The following PPP2R3A variants were observed in gnomAD, a reference collection of about 807,000 sequenced individuals.
The protein encoded by PPP2R3A is protein phosphatase 2 regulatory subunit B''alpha.
Under a neutral mutation model 106.9 loss-of-function variants are expected in PPP2R3A, and 80 were observed. The ratio of observed to expected loss-of-function variants is 0.75; its 90% confidence interval spans 0.62 to 0.90. PPP2R3A has a LOEUF of 0.90. Ranked by LOEUF, PPP2R3A falls within the 40% of genes least tolerant of loss-of-function variation. The probability of loss-of-function intolerance (pLI) is 0.00; values close to 1 mark genes in which losing one functional copy is unlikely to be tolerated. For missense variants in PPP2R3A, 1,386 were observed against 1,350.4 expected (o/e 1.03, Z -0.41); for synonymous variants, 483 against 468.3 (o/e 1.03, Z -0.41).
chr3:135,992,260 A>C (rs924634047), intron 1 of PPP2R3A, among the ~76,000 whole-genome samples: 8 of 152,168 alleles, frequency 5.3e-5, no homozygotes, highest in African/African-American at 1.9e-4. Flanking sequence ...TATTATTTCT[A>C]AATGACTCAT....
chr3:135,980,335 A>C (rs1319343969), intron 1 of PPP2R3A, among the ~76,000 whole-genome samples: 1 of 151,760 alleles, frequency 6.6e-6, no homozygotes, highest in Non-Finnish European at 1.5e-5. Flanking sequence ...ATAAGTCAAG[A>C]GGAAATGAAC....
chr3:136,055,195 G>T, intron 5 of PPP2R3A: 4 of 728,164 alleles, frequency 5.5e-6, no homozygotes, highest in African/African-American at 1.7e-5. Context: ...TAGAAGAGAT[G>T]ACTGTGCAAG....
At chr3:136,022,846 G>T in intron 2 of PPP2R3A, 1 of 1,315,914 alleles carries the variant, frequency 7.6e-7, no homozygotes, top group South Asian at 1.8e-5. Context: ...AAAATTATGA[G>T]CAGGTATTGG....
At chr3:135,987,629 A>G (rs1932974271) in intron 1 of PPP2R3A, among the ~76,000 whole-genome samples, 1 of 152,064 alleles carries the variant, frequency 6.6e-6, no homozygotes, top group Non-Finnish European at 1.5e-5. Flanking sequence ...CACTTACAAT[A>G]TTTGCAGAAA....
chr3:135,993,442 TAAGGGTATAA>T (rs1933259159), intron 1 of PPP2R3A, among the ~76,000 whole-genome samples: 1 of 152,244 alleles, frequency 6.6e-6, no homozygotes, highest in East Asian at 1.9e-4. Context: ...CAAGTGCTGC[TAAGGGTATAA>T]AATGGTAGAA....
At chr3:136,042,455 T>C (rs1233056452) in intron 4 of PPP2R3A, among the ~76,000 whole-genome samples, 2 of 152,200 alleles carry the variant, frequency 1.3e-5, no homozygotes, top group African/African-American at 4.8e-5. Flanking sequence ...TTTATCTATG[T>C]AACAGACGTG....
rs753163110 is a variant in PPP2R3A, at chr3:136,090,716, G to A, written c.2927+49G>A. The A allele has an allele frequency of 6.8e-6, 10 of 1,476,614 alleles. No individual in the cohort carries two copies. In the African/African-American group the frequency reaches 1.3e-4, roughly 19 times the overall value. The allele number at this position is 1,476,614 out of a possible 1,614,324, so 91.5% of individuals were successfully genotyped here. Reference sequence around the variant, plus strand: ...CCAAGATGTTAAACACATGCACAAAGCTTGAAAAAGTCATGGTGTATATTA... The same window carrying A: ...CCAAGATGTTAAACACATGCACAAAACTTGAAAAAGTCATGGTGTATATTA... On this transcript the variant is annotated intron_variant, in intron 10 of 13. Coordinates refer to ENST00000264977, the MANE Select transcript of PPP2R3A (RefSeq NM_002718.5).
At chr3:135,970,802 A>G (rs150636728) in intron 1 of PPP2R3A, among the ~76,000 whole-genome samples, 2,512 of 152,290 alleles carry the variant, frequency 0.016, 29 homozygotes, top group South Asian at 0.026. Context: ...TTAGGGATGT[A>G]GGTCAATGGT....
intron 3 of PPP2R3A, among the ~76,000 whole-genome samples, chr3:136,028,022 C>T (rs1934730298): frequency 6.6e-6 from 1 of 152,232 alleles, no homozygotes; most frequent in South Asian, 2.1e-4. Context: ...CATTCCATGG[C>T]TTCCACAGCC....
At chr3:135,975,061 GT>G (rs2107750788) in intron 1 of PPP2R3A, among the ~76,000 whole-genome samples, 1 of 152,316 alleles carries the variant, frequency 6.6e-6, no homozygotes, top group South Asian at 2.1e-4. Flanking sequence ...TGGCCCAGCT[GT>G]TAGCATTTTG....
chr3:135,990,487 C>G (rs1243931606), intron 1 of PPP2R3A, among the ~76,000 whole-genome samples: 1 of 152,080 alleles, frequency 6.6e-6, no homozygotes, highest in East Asian at 1.9e-4. Context: ...TACAAACAAG[C>G]CGTGTTTGTT....
At chr3:136,120,208 A>G (rs962565802) in intron 13 of PPP2R3A, among the ~76,000 whole-genome samples, 4 of 152,098 alleles carry the variant, frequency 2.6e-5, no homozygotes, top group Admixed American at 6.5e-5. Context: ...GATGGGTGCA[A>G]CAAACCACCA....
intron 4 of PPP2R3A, among the ~76,000 whole-genome samples, 192 bp from the exon 5 acceptor site, chr3:136,049,067 C>G (rs1407276964): frequency 6.6e-6 from 1 of 152,208 alleles, no homozygotes; most frequent in African/African-American, 2.4e-5. Flanking sequence ...GGAAGAGGGT[C>G]TAATAGACTT....
chr3:136,015,026 A>G (rs1384317223), intron 2 of PPP2R3A, among the ~76,000 whole-genome samples: 1 of 152,126 alleles, frequency 6.6e-6, no homozygotes, highest in Non-Finnish European at 1.5e-5. Flanking sequence ...TGAGGTTTTA[A>G]TCATAAAGGG....
intron 8 of PPP2R3A, among the ~76,000 whole-genome samples, chr3:136,084,773 G>C (rs573138857): frequency 6.6e-6 from 1 of 152,346 alleles, no homozygotes; most frequent in South Asian, 2.1e-4. Context: ...AGAGTCAAAG[G>C]AGATCATTTT....
intron 1 of PPP2R3A, among the ~76,000 whole-genome samples, chr3:135,982,441 G>T (rs1203598244): frequency 6.6e-6 from 1 of 152,170 alleles, no homozygotes. Context: ...ATACCCTTCA[G>T]GGCACTTGAG....
In PPP2R3A at chr3:136,082,318, C is replaced by T. The variant is rs1936802195; in HGVS notation, c.2685C>T (p.Phe895=). 6.2e-7 allele frequency: 1 copy of T among 1,603,382 alleles called. No homozygotes were observed. The highest frequency in any genetic ancestry group is 1.3e-5 in the African/African-American group (1 of 74,656). Residue 895 remains phenylalanine, a synonymous_variant, in exon 8 of 14, where the codon TTC becomes TTT. Transcript: ENST00000264977. ...ATATAAACCAAATTACAGATTACTT[C>T]TCCTATGAACATTTCTATGTTATTT... ...EEDINQITDY[F]SYEHFYVIYC...
At chr3:136,028,538 A>C (rs1045414304) in intron 3 of PPP2R3A, among the ~76,000 whole-genome samples, 2 of 152,234 alleles carry the variant, frequency 1.3e-5, no homozygotes, top group Non-Finnish European at 2.9e-5. Context: ...TCTAACTTCT[A>C]GCACAGTGCT....
chr3:136,080,208 C>T (rs1936737936), intron 7 of PPP2R3A, among the ~76,000 whole-genome samples: 1 of 152,056 alleles, frequency 6.6e-6, no homozygotes, highest in Non-Finnish European at 1.5e-5. Flanking sequence ...TCATATAAGT[C>T]TATCTCATTC....
Sources: gnomAD v4.1 joint callset for allele counts (sites outside exome capture counted in the v4.1 genomes callset) on GRCh38, gnomAD v4.1.1 for gene constraint, MANE v1.5 for transcripts, NCBI Gene and HGNC (gene_info 2026-07-23, HGNC 2026-07-21) for gene names.